The following ZNF385D variants were observed in gnomAD, a reference collection of about 807,000 sequenced individuals.
ZNF385D encodes zinc finger protein 659.
Under a neutral mutation model 35.8 loss-of-function variants are expected in ZNF385D, and 15 were observed. The observed-to-expected ratio is 0.42, with a 90% CI of 0.28 to 0.64. ZNF385D has a LOEUF of 0.64. Among genes scored for constraint, ZNF385D ranks in the 30% least tolerant of loss-of-function variants. The pLI, the probability that ZNF385D is intolerant of heterozygous loss-of-function variation, is 0.23. For missense variants in ZNF385D, 474 were observed against 494.6 expected (o/e 0.96, Z 0.39); for synonymous variants, 212 against 186.8 (o/e 1.13, Z -1.10).
In ZNF385D at chr3:22,102,977, A is replaced by G. The variant is rs953245026; in HGVS notation, c.325+65840T>C. Among the ~76,000 whole-genome samples, 4 of 149,524 alleles carry G rather than the reference A, an allele frequency of 2.7e-5. No homozygotes were observed. The East Asian group carries it at 7.8e-4, about 29-fold the overall frequency. On this transcript the variant is annotated intron_variant, in intron 3 of 5. Coordinates refer to the ZNF385D transcript ENST00000494108. ...ATTATTTTTACAATGTGCTTTTTAT[A>G]TATTTTATATATTATATACTGTATA... is the stretch of plus-strand genomic sequence containing the variant.
chr3:22,079,350 AT>A (rs1700624898), intron 3 of ZNF385D, among the ~76,000 whole-genome samples: 1 of 152,034 alleles, frequency 6.6e-6, no homozygotes. Flanking sequence ...AATCCAATAA[AT>A]AAATTACATG....
chr3:21,759,634 G>A (rs539614497), intron 3 of ZNF385D, among the ~76,000 whole-genome samples: 1 of 152,222 alleles, frequency 6.6e-6, no homozygotes, highest in African/African-American at 2.4e-5. Flanking sequence ...ACACTTCAGA[G>A]GTTTCCAATT....
At chr3:22,089,380 T>G (rs758054090) in intron 3 of ZNF385D, among the ~76,000 whole-genome samples, 1 of 152,210 alleles carries the variant, frequency 6.6e-6, no homozygotes, top group Non-Finnish European at 1.5e-5. Context: ...TGGTAGATAT[T>G]AAGCTTTGTC....
chr3:21,767,147 T>C (rs1236099718), intron 3 of ZNF385D, among the ~76,000 whole-genome samples: 2 of 145,758 alleles, frequency 1.4e-5, no homozygotes, highest in Admixed American at 7.2e-5. Context: ...GTAGCAAATA[T>C]TGTCAATTGA....
intron 3 of ZNF385D, among the ~76,000 whole-genome samples, chr3:22,062,447 A>G (rs960272225): frequency 2.0e-5 from 3 of 152,198 alleles, no homozygotes; most frequent in East Asian, 3.8e-4. Flanking sequence ...GTCTAAGTTC[A>G]TAACTAAGGA....
intron 1 of ZNF385D, among the ~76,000 whole-genome samples, chr3:21,736,439 C>T (rs996024156): frequency 1.3e-5 from 2 of 152,090 alleles, no homozygotes; most frequent in Non-Finnish European, 2.9e-5. Context: ...TGTGGTTTTG[C>T]CTCTTAATGC....
chr3:21,850,023 CG>C (rs577517307), intron 3 of ZNF385D, among the ~76,000 whole-genome samples: 2 of 152,138 alleles, frequency 1.3e-5, no homozygotes, highest in South Asian at 4.1e-4. Context: ...GAATCACAGG[CG>C]TGAGCCACCA....
rs764335445 is a variant in ZNF385D, at chr3:21,421,282, C to T, written c.1120G>A (p.Ala374Thr). Reference sequence around the variant, plus strand: ...GGTCCAGGAGCTGGCCGCAGGAGTGCCGGAGGAAGCGCGGAAGTCTGGAAC... The same window carrying T: ...GGTCCAGGAGCTGGCCGCAGGAGTGTCGGAGGAAGCGCGGAAGTCTGGAAC... The part of the protein sequence containing the change: ...TLFQTSALPP[A>T]LLRPAPGPIR... Residue 374 changes from alanine (A) to threonine (T), a missense_variant, in exon 8 of 8, where the codon GCA becomes ACA. Transcript: ENST00000281523. 22 of 1,613,980 alleles carry T rather than the reference C, an allele frequency of 1.4e-5. No individual in the cohort carries two copies. The highest frequency in any genetic ancestry group is 1.9e-5 in the Non-Finnish European group (22 of 1,179,998).
chr3:21,708,649 G>C (rs535150166), intron 1 of ZNF385D, among the ~76,000 whole-genome samples: 1 of 152,086 alleles, frequency 6.6e-6, no homozygotes, highest in South Asian at 2.1e-4. Flanking sequence ...CAGATTTTTT[G>C]TATTCAATGT....
At chr3:22,305,893 G>C (rs977048204) in intron 2 of ZNF385D, among the ~76,000 whole-genome samples, 2 of 152,184 alleles carry the variant, frequency 1.3e-5, no homozygotes, top group Non-Finnish European at 2.9e-5. Flanking sequence ...GAGGGAAATT[G>C]TCAAACAGTT....
chr3:21,864,955 T>A (rs1160251455), intron 3 of ZNF385D, among the ~76,000 whole-genome samples: 3 of 143,198 alleles, frequency 2.1e-5, no homozygotes, highest in Non-Finnish European at 3.0e-5. Flanking sequence ...GTGATCATAA[T>A]GGCCTGGAGC....
intron 3 of ZNF385D, among the ~76,000 whole-genome samples, chr3:22,062,347 C>T (rs902906165): frequency 1.3e-5 from 2 of 152,216 alleles, no homozygotes; most frequent in Admixed American, 1.3e-4. Context: ...GAGTCACTTG[C>T]GCCCAGCCTG....
At chr3:21,941,343 G>A (rs2125274309) in intron 3 of ZNF385D, among the ~76,000 whole-genome samples, 1 of 152,172 alleles carries the variant, frequency 6.6e-6, no homozygotes, top group African/African-American at 2.4e-5. Context: ...TAGAGTAGTA[G>A]TATATGTATG....
chr3:21,510,221 T>C (rs1175457315), intron 4 of ZNF385D, among the ~76,000 whole-genome samples: 1 of 152,142 alleles, frequency 6.6e-6, no homozygotes, highest in Non-Finnish European at 1.5e-5. Flanking sequence ...TCCCCTATTA[T>C]GAATAAGCTG....
intron 3 of ZNF385D, among the ~76,000 whole-genome samples, chr3:22,079,809 T>C (rs1256223878): frequency 6.6e-6 from 1 of 151,946 alleles, no homozygotes; most frequent in East Asian, 1.9e-4. Flanking sequence ...GACATACGGG[T>C]ATTAAAAGAC....
chr3:21,781,199 CTCTT>C (rs141691013), intron 3 of ZNF385D, among the ~76,000 whole-genome samples: 11,531 of 151,946 alleles, frequency 0.076, 580 homozygotes, highest in South Asian at 0.11. Context: ...GAAAAAGTAT[CTCTT>C]TATTTCAAAG....
chr3:21,718,779 T>A (rs954729372), intron 1 of ZNF385D, among the ~76,000 whole-genome samples: 15 of 152,354 alleles, frequency 9.8e-5, no homozygotes, highest in Admixed American at 4.6e-4. Flanking sequence ...TCAACCTGAA[T>A]GGAGAATGTT....
intron 3 of ZNF385D, among the ~76,000 whole-genome samples, chr3:21,872,540 C>T (rs1330980000): frequency 1.3e-5 from 2 of 152,046 alleles, no homozygotes; most frequent in African/African-American, 4.8e-5. Flanking sequence ...AATTACAGCC[C>T]TTAATCTAGA....
In ZNF385D at chr3:22,083,089, G is replaced by C. The variant is rs971454704; in HGVS notation, c.325+85728C>G. 2.0e-5 allele frequency among the ~76,000 whole-genome samples: 3 copies of C among 152,152 alleles called. 1 individual carries two copies. The South Asian group carries it at 6.2e-4, about 32-fold the overall frequency. ...TCATCTGTAGGTCACCATCATCAAA[G>C]ACCAAAGGTAGATAAAACCACGAAG... On this transcript the variant is annotated intron_variant, in intron 3 of 5. Transcript: ENST00000494108.
Sources: allele counts gnomAD v4.1 joint callset (sites outside exome capture counted in the v4.1 genomes callset), GRCh38; gene constraint gnomAD v4.1.1; transcripts MANE v1.5; gene names NCBI Gene and HGNC (gene_info 2026-07-23, HGNC 2026-07-21).